The following FNIP2 variants were observed in gnomAD, a reference collection of about 807,000 sequenced individuals.
The protein encoded by FNIP2 is folliculin-interacting protein 2.
Under a neutral mutation model 108.7 loss-of-function variants are expected in FNIP2, and 32 were observed. That is an observed-to-expected ratio of 0.29 (90% CI 0.22 to 0.40). The LOEUF (loss-of-function observed/expected upper bound fraction) is 0.40, where lower values mean the gene tolerates loss of function less well. Among genes scored for constraint, FNIP2 ranks in the 10% least tolerant of loss-of-function variants. The pLI is 1.00. For missense variants in FNIP2, 1,202 were observed against 1,381.6 expected, an observed-to-expected ratio of 0.87 and a Z score of 2.06; for synonymous variants, 480 against 496.7, an observed-to-expected ratio of 0.97 and a Z score of 0.45.
intron 8 of FNIP2, among the ~76,000 whole-genome samples, chr4:158,854,463 T>C (rs1435976561): frequency 1.3e-5 from 2 of 152,342 alleles, no homozygotes; most frequent in East Asian, 3.9e-4. Context: ...GCCCCAGGCT[T>C]ATGGGTATGT....
At chr4:158,847,135 C>G (rs770879545) in intron 7 of FNIP2, among the ~76,000 whole-genome samples, 2 of 152,220 alleles carry the variant, frequency 1.3e-5, no homozygotes, top group Non-Finnish European at 2.9e-5. Context: ...CTAAAGTGCT[C>G]TGGGGTCCTA....
intron 1 of FNIP2, among the ~76,000 whole-genome samples, chr4:158,810,722 G>A: frequency 6.6e-6 from 1 of 152,162 alleles, no homozygotes; most frequent in East Asian, 1.9e-4. Flanking sequence ...ACATAACAGG[G>A]TAAAGCACTT....
intron 14 of FNIP2, among the ~76,000 whole-genome samples, chr4:158,882,864 G>A (rs1234624927): frequency 6.6e-6 from 1 of 152,016 alleles, no homozygotes; most frequent in African/African-American, 2.4e-5. Flanking sequence ...TACTGCGGAA[G>A]GCCGCAGGGT....
At chr4:158,859,880 A>C (rs1780185796) in intron 10 of FNIP2, among the ~76,000 whole-genome samples, 1 of 152,208 alleles carries the variant, frequency 6.6e-6, no homozygotes, top group Admixed American at 6.5e-5. Context: ...AGTCCCTGAT[A>C]GGATTGTTTT....
chr4:158,903,909 T>G lies in FNIP2; in HGVS notation c.3267-557T>G, dbSNP rs181263280. Among the ~76,000 whole-genome samples the G allele has an allele frequency of 2.6e-4, 39 of 152,312 alleles. No homozygotes were observed. The East Asian group carries it at 6.8e-3, about 26-fold the overall frequency. On this transcript the variant is annotated intron_variant, in intron 16 of 16. Transcript: ENST00000264433. ...CCAAAGCTGTGTCCATTTGAAACCA[T>G]GATGTCTCTTAACCCAGTACCTTTT...
Position 158,851,427 on chromosome 4 carries a change from G to A in FNIP2, c.834G>A (p.Leu278=), listed in dbSNP as rs1215028880. 6.2e-7 allele frequency: 1 copy of A among 1,613,778 alleles called. No individual in the cohort carries two copies. Among genetic ancestry groups the A allele is most frequent in the African/African-American group, 1.3e-5 (1 of 74,900 alleles). ...RRWLRSQTTS[L]ENGIIPRRST... ...GGCTTCGAAGTCAGACAACAAGTTT[G>A]GAAAATGGCATCATCCCAAGAAGGT... The change falls in exon 8 of 17, where the codon TTG becomes TTA. Residue 278 remains leucine, a synonymous_variant. Transcript: ENST00000264433.
intron 7 of FNIP2, chr4:158,835,993 T>A (rs1778775491): frequency 6.6e-6 from 1 of 152,474 alleles, no homozygotes; most frequent in Admixed American, 6.5e-5. Flanking sequence ...ATGTGACCTC[T>A]TTTGAGTTTT....
rs545313283 is a variant in FNIP2 at position 158,784,958 on chromosome 4, A to C, written c.107+15639A>C. Among the ~76,000 whole-genome samples, 67 of 152,328 alleles carry C rather than the reference A, an allele frequency of 4.4e-4. No homozygotes were observed. The South Asian group carries it at 0.014, about 31-fold the overall frequency. The stretch of plus-strand genomic sequence containing the variant: ...CATTGTATGTATGTCCCTGTAGTGT[A>C]TAGCATAATACTAAGTACAGTACGT... On this transcript the variant is annotated intron_variant, in intron 1 of 16. Transcript: ENST00000264433.
At chr4:158,854,497 C>T (rs957812758) in intron 8 of FNIP2, among the ~76,000 whole-genome samples, 2 of 152,226 alleles carry the variant, frequency 1.3e-5, no homozygotes, top group Non-Finnish European at 2.9e-5. Context: ...GCCAGTTGCT[C>T]GGTGTCTGGG....
Position 158,861,379 on chromosome 4 carries a change from G to A in FNIP2, c.1186G>A (p.Ala396Thr), listed in dbSNP as rs1780284686. 18 of 1,613,974 alleles carry A rather than the reference G, an allele frequency of 1.1e-5. No individual in the cohort carries two copies. The East Asian group carries it at 3.3e-4, about 30-fold the overall frequency. ...IWNLYSVPRI[A>T]EPVWLTMMSG... Reference sequence around the variant, plus strand: ...GAACTTATATTCTGTTCCAAGGATAGCTGAACCTGTATGGCTTACTATGAT... The same window carrying A: ...GAACTTATATTCTGTTCCAAGGATAACTGAACCTGTATGGCTTACTATGAT... Residue 396 changes from alanine (A) to threonine (T), a missense_variant, in exon 11 of 17, where the codon GCT becomes ACT. Ala to Thr is a moderately conservative substitution (Grantham distance 58, BLOSUM62 0). Around this residue, in one of 5 missense-constraint regions of FNIP2, gnomAD observed 878 missense variants for 990.3 expected, o/e 0.89. Coordinates refer to ENST00000264433, the MANE Select transcript of FNIP2 (RefSeq NM_020840.3).
intron 1 of FNIP2, among the ~76,000 whole-genome samples, chr4:158,800,573 A>T (rs1776728479): frequency 6.6e-6 from 1 of 152,212 alleles, no homozygotes; most frequent in East Asian, 1.9e-4. Flanking sequence ...TTTTTTTTAA[A>T]AATAGTTTTT....
chr4:158,824,159 A>G (rs2126556532), intron 1 of FNIP2, among the ~76,000 whole-genome samples: 1 of 152,352 alleles, frequency 6.6e-6, no homozygotes, highest in Middle Eastern at 3.4e-3. Context: ...TCATAACATT[A>G]CCAATCCTCT....
chr4:158,829,067 C>A lies in FNIP2; in HGVS notation c.235-12C>A. On this transcript the variant is annotated splice_polypyrimidine_tract_variant and intron_variant, in intron 2 of 16. Transcript: ENST00000264433. ...TAGTAATCTTTTACCTTGCCTGTCT[C>A]TCTTAACCTAGAAAACAGAGGATGT... 1 of 1,596,300 alleles carries A rather than the reference C, an allele frequency of 6.3e-7. No individual in the cohort carries two copies. The highest frequency in any genetic ancestry group is 2.3e-5 in the East Asian group (1 of 44,122).
intron 6 of FNIP2, 84 bp downstream of exon 6, chr4:158,833,712 G>GT: frequency 1.4e-6 from 2 of 1,456,590 alleles, no homozygotes; most frequent in Non-Finnish European, 9.5e-7. Flanking sequence ...GTTTGTCGTG[G>GT]GTTTTTTTTT....
intron 14 of FNIP2, chr4:158,872,500 T>C: frequency 1.0e-6 from 1 of 985,452 alleles, no homozygotes; most frequent in Non-Finnish European, 1.2e-6. Flanking sequence ...CGAAAGTTAT[T>C]AAGCATAATA....
At chr4:158,861,309 A>C (rs1373087370) in intron 10 of FNIP2, 33 bp from the exon 11 acceptor site, 1 of 1,586,504 alleles carries the variant, frequency 6.3e-7, no homozygotes, top group Non-Finnish European at 8.6e-7. Flanking sequence ...TATTTCTGAC[A>C]CTTTTGTGTT....
At chr4:158,788,045 C>G (rs868138838) in intron 1 of FNIP2, among the ~76,000 whole-genome samples, 1 of 152,200 alleles carries the variant, frequency 6.6e-6, no homozygotes, top group Non-Finnish European at 1.5e-5. Context: ...AACCCTGACA[C>G]TATCACTTAA....
intron 1 of FNIP2, among the ~76,000 whole-genome samples, chr4:158,799,865 A>G (rs1421751707): frequency 6.6e-6 from 1 of 152,192 alleles, no homozygotes; most frequent in Non-Finnish European, 1.5e-5. Flanking sequence ...TTGTAGATTG[A>G]GTTCTGATAT....
chr4:158,854,876 G>A lies in FNIP2; in HGVS notation c.857+3426G>A, dbSNP rs73858596. The stretch of plus-strand genomic sequence containing the variant: ...CCCCTCCGAAATGGGAGGGTCTTAT[G>A]ATCTATTTTCAGGCAAGGTAGGTCA... On this transcript the variant is annotated intron_variant, in intron 8 of 16. Transcript: ENST00000264433. 3.6e-3 allele frequency among the ~76,000 whole-genome samples: 544 copies of A among 152,282 alleles called. 2 individuals are homozygous for A. The highest frequency in any genetic ancestry group is 0.012 in the African/African-American group (515 of 41,550).
Sources: allele counts gnomAD v4.1 joint callset (sites outside exome capture counted in the v4.1 genomes callset), GRCh38; gene constraint gnomAD v4.1.1; regional missense constraint gnomAD v4.1.1; transcripts MANE v1.5; gene names NCBI Gene and HGNC (gene_info 2026-07-23, HGNC 2026-07-21).